SMIM14: variants seen among roughly 807,000 people sequenced by gnomAD.
The protein encoded by SMIM14 is small integral membrane protein 14.
A neutral mutation model predicts 12.6 loss-of-function variants in SMIM14; 5 were observed. The observed-to-expected ratio is 0.40, with a 90% CI of 0.21 to 0.83. SMIM14 has a LOEUF of 0.83. Ranked by LOEUF, SMIM14 falls within the 40% of genes least tolerant of loss-of-function variation. The pLI is 0.37. For synonymous variants in SMIM14, 30 were observed against 40.1 expected (o/e 0.75, Z 0.95); for missense variants, 86 against 119.1 (o/e 0.72, Z 1.29).
intron 1 of SMIM14, among the ~76,000 whole-genome samples, chr4:39,615,035 C>T (rs1715168464): frequency 6.6e-6 from 1 of 152,124 alleles, no homozygotes; most frequent in South Asian, 2.1e-4. Flanking sequence ...TTAAACACTC[C>T]AGCTCATGCA....
rs1560307165 is a variant in SMIM14 at position 39,619,747 on chromosome 4, TA to T, written c.-35-14568del. Reference sequence around the variant, plus strand: ...ATATAATTATATATATCAATAAATATAATTTATTATATATATATCAATAAAT... The same window carrying T: ...ATATAATTATATATATCAATAAATATATTTATTATATATATATCAATAAAT... On this transcript the variant is annotated intron_variant, in intron 1 of 4. Transcript: ENST00000295958. Among the ~76,000 whole-genome samples, 48 of 40,594 alleles carry T rather than the reference TA, an allele frequency of 1.2e-3. 1 individual carries two copies. Among genetic ancestry groups the T allele is most frequent in the East Asian group, 2.4e-3 (3 of 1,248 alleles). 26.6% of individuals were successfully genotyped at this position (40,594 alleles called of 152,430 possible). A position where few individuals can be genotyped will look rare whatever the true frequency, so the allele number is the denominator to read the frequency against.
At chr4:39,617,723 C>G (rs905482312) in intron 1 of SMIM14, among the ~76,000 whole-genome samples, 1 of 152,166 alleles carries the variant, frequency 6.6e-6, no homozygotes, top group Non-Finnish European at 1.5e-5. Context: ...AATCAGTTTT[C>G]AAAGTTTACT....
chr4:39,589,805 G>C (rs1713967446), intron 2 of SMIM14: 1 of 152,096 alleles, frequency 6.6e-6, no homozygotes, highest in Non-Finnish European at 1.5e-5. Context: ...CACTTTGGGA[G>C]GCCGAGGTGG....
At chr4:39,615,334 A>G (rs529189380) in intron 1 of SMIM14, among the ~76,000 whole-genome samples, 17 of 152,358 alleles carry the variant, frequency 1.1e-4, no homozygotes, top group Admixed American at 2.0e-4. Context: ...TTATCCCAAA[A>G]TAAAAATATT....
At chr4:39,611,337 C>T (rs1342869918) in intron 1 of SMIM14, among the ~76,000 whole-genome samples, 1 of 152,124 alleles carries the variant, frequency 6.6e-6, no homozygotes. Context: ...CAAACCCCGT[C>T]TCTACTAAAA....
At chr4:39,555,420 A>G (rs1711960128) in intron 4 of SMIM14, among the ~76,000 whole-genome samples, 1 of 151,858 alleles carries the variant, frequency 6.6e-6, no homozygotes, top group Non-Finnish European at 1.5e-5. Context: ...TTTAGTAGAG[A>G]CAGGGTTTCA....
rs115168226 is a variant in SMIM14 at position 39,615,371 on chromosome 4, A to G, written c.-35-10191T>C. 6.9e-3 allele frequency among the ~76,000 whole-genome samples: 1,046 copies of G among 152,378 alleles called. 4 individuals carry two copies. Among genetic ancestry groups the G allele is most frequent in the Middle Eastern group, 0.02 (6 of 294 alleles). Reference sequence around the variant, plus strand: ...ACTTAAAAAATGTCAAGTCCAAAAGAACTTTAAAAAATAAATAAATGAATG... The same window carrying G: ...ACTTAAAAAATGTCAAGTCCAAAAGGACTTTAAAAAATAAATAAATGAATG... On this transcript the variant is annotated intron_variant, in intron 1 of 4. Coordinates refer to ENST00000295958, the MANE Select transcript of SMIM14 (RefSeq NM_174921.3).
In SMIM14 at chr4:39,596,794, T is replaced by A. The variant is rs367586655; in HGVS notation, c.75+8277A>T. On this transcript the variant is annotated intron_variant, in intron 2 of 4. Transcript: ENST00000295958. Reference sequence around the variant, plus strand: ...TATCAAATTCTCTTTGTATTTCTAATAGTTTTGCATTCTCACCGTCATCCA... The same window carrying A: ...TATCAAATTCTCTTTGTATTTCTAAAAGTTTTGCATTCTCACCGTCATCCA... 2.5e-4 allele frequency among the ~76,000 whole-genome samples: 38 copies of A among 152,302 alleles called. No homozygotes were observed. The South Asian group carries it at 6.8e-3, about 27-fold the overall frequency.
At chr4:39,630,386 A>C (rs1715855244) in intron 1 of SMIM14, among the ~76,000 whole-genome samples, 1 of 152,170 alleles carries the variant, frequency 6.6e-6, no homozygotes, top group Admixed American at 6.5e-5. Context: ...AACCTGTGTG[A>C]CAGAGACCCT....
intron 1 of SMIM14, among the ~76,000 whole-genome samples, chr4:39,618,717 C>T (rs1715318494): frequency 6.6e-6 from 1 of 150,960 alleles, no homozygotes; most frequent in Admixed American, 6.6e-5. Flanking sequence ...TTCTCATTCT[C>T]TTTTACCCAC....
chr4:39,576,240 C>T (rs571633945), intron 2 of SMIM14, among the ~76,000 whole-genome samples: 5 of 150,304 alleles, frequency 3.3e-5, no homozygotes, highest in Non-Finnish European at 7.4e-5. Flanking sequence ...TACAAAGCTT[C>T]TGGAATGAAC....
intron 1 of SMIM14, among the ~76,000 whole-genome samples, chr4:39,622,047 G>A (rs1715516108): frequency 6.6e-6 from 1 of 151,810 alleles, no homozygotes; most frequent in Admixed American, 6.6e-5. Context: ...ATTTAAAAGG[G>A]CATAAAAATA....
At chr4:39,575,079 GT>G (rs372419357) in intron 2 of SMIM14, among the ~76,000 whole-genome samples, 2,993 of 125,394 alleles carry the variant, frequency 0.024, 63 homozygotes, top group African/African-American at 0.072. Flanking sequence ...CGAGAAAATA[GT>G]TTTTTTTTTT....
At position 39,547,847 on chromosome 4, in the gene SMIM14, T is replaced by C. The variant is rs1373944001; in HGVS notation, c.*4279A>G. Reference sequence around the variant, plus strand: ...TTTGGAAAATCCACATTATGAAATATGACTTGCTGACCATGGAACAGTGCT... The same window carrying C: ...TTTGGAAAATCCACATTATGAAATACGACTTGCTGACCATGGAACAGTGCT... On this transcript the variant is annotated 3_prime_UTR_variant, in exon 5 of 5. Coordinates refer to ENST00000295958, the MANE Select transcript of SMIM14 (RefSeq NM_174921.3). The C allele has an allele frequency of 6.6e-6, 1 of 152,060 alleles. No individual in the cohort carries two copies. The highest frequency in any genetic ancestry group is 1.5e-5 in the Non-Finnish European group (1 of 68,026). 9.4% of individuals were successfully genotyped at this position (152,060 alleles called of 1,614,324 possible). A position where few individuals can be genotyped will look rare whatever the true frequency, so the allele number is the denominator to read the frequency against.
At chr4:39,612,008 A>G (rs1292690612) in intron 1 of SMIM14, 1 of 151,016 alleles carries the variant, frequency 6.6e-6, no homozygotes, top group African/African-American at 2.4e-5. Context: ...GGAAAGGGAG[A>G]TGGAGATGCG....
chr4:39,568,351 A>G (rs1712689213), intron 3 of SMIM14, among the ~76,000 whole-genome samples: 1 of 152,164 alleles, frequency 6.6e-6, no homozygotes, highest in Non-Finnish European at 1.5e-5. Context: ...TTTTAACAAC[A>G]TTGACTCTAC....
chr4:39,627,143 T>C (rs1309357415), intron 1 of SMIM14, among the ~76,000 whole-genome samples: 1 of 152,142 alleles, frequency 6.6e-6, no homozygotes, highest in Non-Finnish European at 1.5e-5. Context: ...CTCTGAGCCC[T>C]CTTTTATAAG....
chr4:39,616,389 C>G (rs994384426), intron 1 of SMIM14, among the ~76,000 whole-genome samples: 32 of 152,176 alleles, frequency 2.1e-4, no homozygotes, highest in African/African-American at 6.8e-4. Context: ...GCTCCCTCAG[C>G]CTCCCAAAGT....
chr4:39,597,589 A>G (rs1428150514), intron 2 of SMIM14, among the ~76,000 whole-genome samples: 4 of 151,798 alleles, frequency 2.6e-5, no homozygotes, highest in Non-Finnish European at 5.9e-5. Context: ...GATTACAGGC[A>G]CCTGCCACCA....
Sources: allele counts gnomAD v4.1 joint callset (sites outside exome capture counted in the v4.1 genomes callset), GRCh38; gene constraint gnomAD v4.1.1; transcripts MANE v1.5; gene names NCBI Gene and HGNC (gene_info 2026-07-23, HGNC 2026-07-21).